SNTG2: variants seen among roughly 807,000 people sequenced by gnomAD.
SNTG2 encodes gamma-2-syntrophin.
Under a neutral mutation model 70.9 loss-of-function variants are expected in SNTG2, and 74 were observed. The ratio of observed to expected loss-of-function variants is 1.04; its 90% CI spans 0.86 to 1.27. The LOEUF is 1.27. Among genes scored for constraint, SNTG2 ranks in the 50% most tolerant of loss-of-function variants. The pLI, the probability that SNTG2 is intolerant of heterozygous loss-of-function variation, is 0.00. For missense variants in SNTG2, 717 were observed against 690.7 expected (o/e 1.04, Z -0.43); for synonymous variants, 278 against 273.8 (o/e 1.02, Z -0.15).
intron 1 of SNTG2, among the ~76,000 whole-genome samples, chr2:969,781 C>T (rs920005401): frequency 6.6e-6 from 1 of 152,154 alleles, no homozygotes; most frequent in African/African-American, 2.4e-5. Flanking sequence ...GTAAGGTTTT[C>T]TAGGTGTAGA....
At chr2:1,203,613 C>T (rs566115903) in intron 8 of SNTG2, among the ~76,000 whole-genome samples, 1 of 150,342 alleles carries the variant, frequency 6.7e-6, no homozygotes, top group Non-Finnish European at 1.5e-5. Context: ...GAGATCACAC[C>T]ATTGCACTCC....
At chr2:1,239,095 A>G (rs1676876614) in intron 10 of SNTG2, among the ~76,000 whole-genome samples, 1 of 152,226 alleles carries the variant, frequency 6.6e-6, no homozygotes, top group African/African-American at 2.4e-5. Context: ...TATCTCAATA[A>G]ATAGGGAAGA....
At chr2:958,579 G>GA (rs919597909) in intron 1 of SNTG2, among the ~76,000 whole-genome samples, 29 of 151,496 alleles carry the variant, frequency 1.9e-4, no homozygotes, top group African/African-American at 6.5e-4. Flanking sequence ...CTTTAAAAAG[G>GA]AAAAAAAAGA....
intron 6 of SNTG2, among the ~76,000 whole-genome samples, chr2:1,145,423 A>G (rs1273796351): frequency 6.6e-6 from 1 of 152,208 alleles, no homozygotes; most frequent in African/African-American, 2.4e-5. Context: ...TATGGACATG[A>G]CATACACCTC....
chr2:1,209,345 T>A, intron 9 of SNTG2, 115 bp downstream of exon 9: 1 of 1,241,108 alleles, frequency 8.1e-7, no homozygotes, highest in Non-Finnish European at 1.1e-6. Flanking sequence ...CAAGTGTGCG[T>A]GCTGTCTTCT....
At chr2:1,081,111 G>A (rs528922339) in intron 1 of SNTG2, among the ~76,000 whole-genome samples, 1 of 152,152 alleles carries the variant, frequency 6.6e-6, no homozygotes, top group African/African-American at 2.4e-5. Context: ...CGCAGGCCAC[G>A]GCGTCCTGAG....
intron 4 of SNTG2, among the ~76,000 whole-genome samples, chr2:1,116,254 G>A (rs1666957646): frequency 6.6e-6 from 1 of 152,174 alleles, no homozygotes; most frequent in Admixed American, 6.5e-5. Context: ...AAGATTGTGT[G>A]AGTCTGTAAT....
chr2:1,017,287 AT>A (rs1659925412), intron 1 of SNTG2, among the ~76,000 whole-genome samples: 1 of 152,218 alleles, frequency 6.6e-6, no homozygotes, highest in Non-Finnish European at 1.5e-5. Flanking sequence ...TCATTAGAAA[AT>A]GAAATTGACT....
At chr2:952,486 C>T (rs1424141390) in intron 1 of SNTG2, among the ~76,000 whole-genome samples, 1 of 152,190 alleles carries the variant, frequency 6.6e-6, no homozygotes, top group South Asian at 2.1e-4. Context: ...AGCAACTGCG[C>T]GTATTCTAGT....
intron 4 of SNTG2, among the ~76,000 whole-genome samples, chr2:1,118,446 A>T (rs1303814367): frequency 6.6e-6 from 1 of 152,126 alleles, no homozygotes; most frequent in East Asian, 1.9e-4. Context: ...AAGAACCTGC[A>T]CAGAGACTAT....
intron 1 of SNTG2, among the ~76,000 whole-genome samples, chr2:1,031,529 T>TATATATA (rs372970926): frequency 9.9e-4 from 42 of 42,632 alleles, no homozygotes; most frequent in African/African-American, 4.2e-3. Flanking sequence ...TATATATATA[T>TATATATA]TTTTTTTTTT....
chr2:1,282,628 CTCCCCCGCACAGCGCG>C (rs1679595883), intron 14 of SNTG2, among the ~76,000 whole-genome samples: 1 of 152,098 alleles, frequency 6.6e-6, no homozygotes, highest in South Asian at 2.1e-4. Context: ...ATAACGCCGC[CTCCCCCGCACAGCGCG>C]TCCCTCCGGG....
At chr2:979,009 A>T (rs1300680047) in intron 1 of SNTG2, among the ~76,000 whole-genome samples, 1 of 152,262 alleles carries the variant, frequency 6.6e-6, no homozygotes, top group African/African-American at 2.4e-5. Context: ...ATGTGTGTAA[A>T]CCAAGGCCCT....
intron 1 of SNTG2, among the ~76,000 whole-genome samples, chr2:1,064,480 TAAAG>T (rs1663026693): frequency 6.6e-6 from 1 of 151,008 alleles, no homozygotes; most frequent in Admixed American, 6.6e-5. Flanking sequence ...TATATAAAAA[TAAAG>T]TACTACATTT....
intron 6 of SNTG2, among the ~76,000 whole-genome samples, chr2:1,150,056 C>G (rs1462373381): frequency 6.6e-6 from 1 of 152,198 alleles, no homozygotes; most frequent in Non-Finnish European, 1.5e-5. Flanking sequence ...AAATAATGTT[C>G]TTTAAATATT....
chr2:1,076,343 C>T (rs540602752), intron 1 of SNTG2, among the ~76,000 whole-genome samples: 37 of 152,306 alleles, frequency 2.4e-4, no homozygotes, highest in Middle Eastern at 3.4e-3. Flanking sequence ...TTCTCCTCCC[C>T]GTGCCTCTTC....
At chr2:1,037,745 G>T (rs1462040931) in intron 1 of SNTG2, among the ~76,000 whole-genome samples, 3 of 152,130 alleles carry the variant, frequency 2.0e-5, no homozygotes, top group African/African-American at 7.2e-5. Context: ...TGTTTTGGGG[G>T]TTCATTTTTG....
intron 4 of SNTG2, among the ~76,000 whole-genome samples, chr2:1,128,619 G>T (rs570967740): frequency 6.6e-6 from 1 of 152,198 alleles, no homozygotes; most frequent in African/African-American, 2.4e-5. Context: ...GCTTCTCTCA[G>T]ACCGTCACAG....
chr2:1,230,037 G>A (rs919024659), intron 9 of SNTG2, among the ~76,000 whole-genome samples: 2 of 152,216 alleles, frequency 1.3e-5, no homozygotes, highest in African/African-American at 4.8e-5. Context: ...CCAGAGAGGG[G>A]CTCCCACAGT....
Sources: gnomAD v4.1 joint callset for allele counts (sites outside exome capture counted in the v4.1 genomes callset) on GRCh38, gnomAD v4.1.1 for gene constraint, MANE v1.5 for transcripts, NCBI Gene and HGNC (gene_info 2026-07-23, HGNC 2026-07-21) for gene names.